Variants in EEFSEC observed in about 807,000 individuals in gnomAD.
EEFSEC encodes eukaryotic elongation factor, selenocysteine-tRNA specific.
In EEFSEC, 43 loss-of-function variants were observed where a neutral mutation model predicts 42.1. The observed-to-expected ratio is 1.02, with a 90% confidence interval of 0.80 to 1.32. EEFSEC has a LOEUF of 1.32. Ranked by LOEUF, EEFSEC falls within the 40% of genes most tolerant of loss-of-function variation. The pLI, the probability that EEFSEC is intolerant of heterozygous loss-of-function variation, is 0.00. For synonymous variants in EEFSEC, 354 were observed against 339.1 expected (o/e 1.04, Z -0.48); for missense variants, 745 against 803.6 (o/e 0.93, Z 0.88).
chr3:128,373,254 C>T (rs1004451022), intron 6 of EEFSEC, among the ~76,000 whole-genome samples: 3 of 152,268 alleles, frequency 2.0e-5, no homozygotes, highest in South Asian at 2.1e-4. Context: ...TGTGGAGTTC[C>T]GTGCAATGTG....
At chr3:128,280,182 A>G (rs2066511509) in intron 4 of EEFSEC, among the ~76,000 whole-genome samples, 1 of 152,248 alleles carries the variant, frequency 6.6e-6, no homozygotes, top group Non-Finnish European at 1.5e-5. Context: ...AAATGCATCA[A>G]AAAATCTGGA....
chr3:128,244,349 A>G (rs56011843), intron 1 of EEFSEC, among the ~76,000 whole-genome samples: 126,513 of 151,850 alleles, frequency 0.83, 53,143 homozygotes, highest in East Asian at 0.99. Flanking sequence ...GGGGCCATGG[A>G]GAGAGGGCGA....
chr3:128,426,104 G>C, the EEFSEC span, among the ~76,000 whole-genome samples: 1 of 152,208 alleles, frequency 6.6e-6, no homozygotes. Flanking sequence ...CCAGCTTACA[G>C]CAGAGCCACT....
chr3:128,190,832 A>G (rs1352932365), intron 1 of EEFSEC, among the ~76,000 whole-genome samples: 1 of 152,194 alleles, frequency 6.6e-6, no homozygotes, highest in Non-Finnish European at 1.5e-5. Context: ...TTATGTTTAG[A>G]TACAGTTCAA....
the EEFSEC span, among the ~76,000 whole-genome samples, chr3:128,424,157 G>GA: frequency 1.3e-5 from 2 of 152,264 alleles, no homozygotes; most frequent in East Asian, 3.9e-4. Context: ...CAGGCTGCAG[G>GA]AAGCACCCAC....
At chr3:128,332,133 G>A (rs2067140431) in intron 4 of EEFSEC, among the ~76,000 whole-genome samples, 1 of 152,008 alleles carries the variant, frequency 6.6e-6, no homozygotes, top group Admixed American at 6.6e-5. Context: ...TTTGACAGCT[G>A]CATATATGTG....
At chr3:128,267,826 G>A (rs1576593434) in intron 4 of EEFSEC, among the ~76,000 whole-genome samples, 1 of 152,206 alleles carries the variant, frequency 6.6e-6, no homozygotes, top group Non-Finnish European at 1.5e-5. Flanking sequence ...AAAGTTATGC[G>A]GAGAGCCGTC....
chr3:128,418,562 A>G, the EEFSEC span, among the ~76,000 whole-genome samples: 118 of 147,034 alleles, frequency 8.0e-4, 1 homozygote, highest in African/African-American at 2.9e-3. Context: ...GACTGTCCAC[A>G]TACAGCCACA....
At chr3:128,330,058 A>G (rs2067109291) in intron 4 of EEFSEC, among the ~76,000 whole-genome samples, 1 of 152,202 alleles carries the variant, frequency 6.6e-6, no homozygotes, top group Admixed American at 6.5e-5. Context: ...AAGCCCAGGG[A>G]TGTCATTAAA....
intron 2 of EEFSEC, among the ~76,000 whole-genome samples, chr3:128,254,513 C>T (rs958927377): frequency 4.6e-5 from 7 of 152,104 alleles, no homozygotes; most frequent in African/African-American, 1.7e-4. Context: ...GAGGTGAAAT[C>T]GCATAAACCA....
chr3:128,280,353 A>G (rs1031213704), intron 4 of EEFSEC, among the ~76,000 whole-genome samples: 3 of 152,224 alleles, frequency 2.0e-5, no homozygotes, highest in Admixed American at 2.0e-4. Context: ...GGCTTTTATG[A>G]AAGAAAAAAT....
intron 1 of EEFSEC, among the ~76,000 whole-genome samples, chr3:128,229,701 T>C (rs2065941237): frequency 6.6e-6 from 1 of 152,268 alleles, no homozygotes; most frequent in Non-Finnish European, 1.5e-5. Flanking sequence ...AAACATTTTT[T>C]TCAATTGGTT....
intron 1 of EEFSEC, among the ~76,000 whole-genome samples, chr3:128,177,149 G>C (rs1285194537): frequency 1.3e-5 from 2 of 151,956 alleles, no homozygotes; most frequent in Non-Finnish European, 2.9e-5. Context: ...GGCCGTACTG[G>C]ATTATTGATT....
chr3:128,315,528 T>C (rs1206852881), intron 4 of EEFSEC, among the ~76,000 whole-genome samples: 1 of 152,204 alleles, frequency 6.6e-6, no homozygotes, highest in East Asian at 1.9e-4. Context: ...AGGGCCATGC[T>C]GAGGCTGCTA....
intron 4 of EEFSEC, among the ~76,000 whole-genome samples, chr3:128,299,123 T>C (rs1011772585): frequency 6.6e-6 from 1 of 152,236 alleles, no homozygotes; most frequent in East Asian, 1.9e-4. Context: ...CTTCTATTTT[T>C]ACTTTTTTGA....
chr3:128,400,910 C>T (rs1434812300), intron 6 of EEFSEC, among the ~76,000 whole-genome samples: 1 of 152,220 alleles, frequency 6.6e-6, no homozygotes, highest in African/African-American at 2.4e-5. Context: ...AAGGGCCAGC[C>T]TGGCCCTGGG....
At chr3:128,399,338 G>A (rs544296709) in intron 6 of EEFSEC, among the ~76,000 whole-genome samples, 1 of 152,294 alleles carries the variant, frequency 6.6e-6, no homozygotes, top group Admixed American at 6.5e-5. Flanking sequence ...CGGGGCGCTG[G>A]TTGCCTACGC....
intron 4 of EEFSEC, among the ~76,000 whole-genome samples, chr3:128,301,700 G>C (rs1311814011): frequency 2.0e-5 from 3 of 152,172 alleles, no homozygotes; most frequent in African/African-American, 7.2e-5. Context: ...TGGAGCTGTG[G>C]AGTTACTCTT....
chr3:128,388,537 G>A (rs538060840), intron 6 of EEFSEC, among the ~76,000 whole-genome samples: 47 of 152,366 alleles, frequency 3.1e-4, no homozygotes, highest in African/African-American at 1.1e-3. Flanking sequence ...GCCCAGGTGG[G>A]CTGTGTCTCC....
Sources: allele counts gnomAD v4.1 joint callset (sites outside exome capture counted in the v4.1 genomes callset), GRCh38; gene constraint gnomAD v4.1.1; transcripts MANE v1.5; gene names NCBI Gene and HGNC (gene_info 2026-07-23, HGNC 2026-07-21).